The following CNKSR3 variants were observed in gnomAD, a reference collection of about 807,000 sequenced individuals.
CNKSR3 encodes the protein CNKSR family member 3.
A neutral mutation model predicts 67.7 loss-of-function variants in CNKSR3; 36 were observed. The observed-to-expected ratio is 0.53, with a 90% CI of 0.41 to 0.70. The LOEUF is 0.70. Ranked by LOEUF, CNKSR3 falls within the 30% of genes least tolerant of loss-of-function variation. CNKSR3 has a pLI of 0.00. For synonymous variants in CNKSR3, 281 were observed against 271.4 expected (o/e 1.04, Z -0.35); for missense variants, 630 against 695.2 (o/e 0.91, Z 1.05).
rs189996542 is a variant in CNKSR3 at position 154,442,381 on chromosome 6, G to A, written c.217-91C>T. On this transcript the variant is annotated intron_variant, in intron 2 of 12. Transcript: ENST00000607772. ...CTCACGCCTGTAATCCTAGCACTTT[G>A]GGAGGCTGAAGTGGGCGGATCACGA... 28 of 1,099,158 alleles carry A rather than the reference G, an allele frequency of 2.5e-5. No homozygotes were observed. The African/African-American group carries it at 4.1e-4, about 16-fold the overall frequency. The allele number at this position is 1,099,158 out of a possible 1,614,324, so 68.1% of individuals were successfully genotyped here.
intron 4 of CNKSR3, chr6:154,434,182 G>A (rs564450387): frequency 1.3e-5 from 2 of 152,318 alleles, no homozygotes; most frequent in South Asian, 4.1e-4. Flanking sequence ...TGTATGAACT[G>A]GGTTAGCTGA....
rs1002545852 is a variant in CNKSR3 at position 154,425,479 on chromosome 6, C to T, written c.730-2496G>A. Among the ~76,000 whole-genome samples the T allele has an allele frequency of 2.6e-5, 4 of 152,140 alleles. No individual in the cohort carries two copies. The East Asian group carries it at 5.8e-4, about 22-fold the overall frequency. On this transcript the variant is annotated intron_variant, in intron 7 of 12. Transcript: ENST00000607772. The stretch of plus-strand genomic sequence containing the variant: ...TTGCCTATCTTCACCATGAGGAGGA[C>T]TACTGAAAAATGATGCTTGTGTTGG...
chr6:154,395,062 G>A lies in CNKSR3; in HGVS notation c.*11292C>T, dbSNP rs879920607. 1.3e-5 allele frequency: 2 copies of A among 152,288 alleles called. No homozygotes were observed. Among genetic ancestry groups the A allele is most frequent in the Non-Finnish European group, 2.9e-5 (2 of 68,092 alleles). The allele number at this position is 152,288 out of a possible 1,614,324, so 9.4% of individuals were successfully genotyped here. A position where few individuals can be genotyped will look rare whatever the true frequency, so the allele number is the denominator to read the frequency against. On this transcript the variant is annotated 3_prime_UTR_variant, in exon 13 of 13. Transcript: ENST00000607772. ...GACCAAAATGCAGGGAGTACAGGTG[G>A]AAAAGGTCAAGTGGAACGGAGGTGC...
chr6:154,479,355 A>G (rs1447534287), intron 1 of CNKSR3, among the ~76,000 whole-genome samples: 1 of 152,190 alleles, frequency 6.6e-6, no homozygotes, highest in Non-Finnish European at 1.5e-5. Flanking sequence ...ATTCAGAATC[A>G]GGTTCTAACT....
chr6:154,433,313 C>T (rs1367708937), intron 5 of CNKSR3, among the ~76,000 whole-genome samples, 153 bp downstream of exon 5: 1 of 152,184 alleles, frequency 6.6e-6, no homozygotes, highest in Non-Finnish European at 1.5e-5. Flanking sequence ...AACTTTTATG[C>T]TTTCTCTTCC....
intron 6 of CNKSR3, 45 bp from the exon 7 acceptor site, chr6:154,428,232 G>A: frequency 1.6e-6 from 2 of 1,230,768 alleles, no homozygotes; most frequent in Non-Finnish European, 2.4e-6. Flanking sequence ...CCAACGTTTA[G>A]AGACATAGCC....
At chr6:154,411,817 G>A (rs894191597) in intron 10 of CNKSR3, among the ~76,000 whole-genome samples, 18 of 151,972 alleles carry the variant, frequency 1.2e-4, no homozygotes, top group Admixed American at 6.6e-5. Context: ...GCCAAGAGTC[G>A]GATCTCTGCC....
rs1390153584 is a variant in CNKSR3 at position 154,510,644 on chromosome 6, C to T, written c.-530G>A. 1 of 154,856 alleles carries T rather than the reference C, an allele frequency of 6.5e-6. No individual in the cohort carries two copies. The allele number at this position is 154,856 out of a possible 1,614,324, so 9.6% of individuals were successfully genotyped here. A position where few individuals can be genotyped will look rare whatever the true frequency, so the allele number is the denominator to read the frequency against. On this transcript the variant is annotated 5_prime_UTR_variant, in exon 1 of 13. Transcript: ENST00000607772. ...CAGGGCCGAGCGCAGAGCGTGCGCG[C>T]TCGGGTTGCAAAGTTTCAGCTCCGG...
chr6:154,411,067 C>G lies in CNKSR3; in HGVS notation c.1146G>C (p.Glu382Asp), dbSNP rs1164898897. Reference protein sequence around the residue: ...KQPLPGPKGSESPNSFLDQES... With the variant: ...KQPLPGPKGSDSPNSFLDQES... ...CCTGGTCCAAGAAGGAATTCGGGGA[C>G]TCTGAACCCTTAGGACCAGGCAATG... is the stretch of plus-strand genomic sequence containing the variant. The change falls in exon 11 of 13, where the codon GAG (glutamate) becomes GAC (aspartate). Residue 382 changes from glutamate to aspartate, a missense_variant. By Grantham distance (45) the Glu-to-Asp change is conservative. Around this residue, in one of 3 missense-constraint regions of CNKSR3, gnomAD observed 308 missense variants for 299.6 expected, o/e 1.03. Transcript: ENST00000607772. The G allele has an allele frequency of 3.7e-6, 6 of 1,614,102 alleles. No individual in the cohort carries two copies. The South Asian group carries it at 6.6e-5, about 18-fold the overall frequency.
chr6:154,506,203 GT>G (rs1450776061), intron 1 of CNKSR3, among the ~76,000 whole-genome samples: 1 of 150,736 alleles, frequency 6.6e-6, no homozygotes, highest in Non-Finnish European at 1.5e-5. Context: ...CAAACTCCAA[GT>G]TTTTTTCAGG....
At chr6:154,497,027 G>T (rs1175669071) in intron 1 of CNKSR3, among the ~76,000 whole-genome samples, 2 of 152,132 alleles carry the variant, frequency 1.3e-5, no homozygotes, top group South Asian at 2.1e-4. Context: ...AATAAGCATT[G>T]TGAAGGCGAA....
At chr6:154,460,570 C>T (rs1025404179) in intron 1 of CNKSR3, among the ~76,000 whole-genome samples, 1 of 152,110 alleles carries the variant, frequency 6.6e-6, no homozygotes, top group African/African-American at 2.4e-5. Flanking sequence ...ACCATTGTAT[C>T]CAATTTTGTA....
rs1376029975 is a variant in CNKSR3 at position 154,405,632 on chromosome 6, A to G, written c.*722T>C. ...GATACTTTGGCTGTCAGCGAATCTT[A>G]TAGCTTCTTTTCCCTTAAAGACAAT... On this transcript the variant is annotated 3_prime_UTR_variant, in exon 13 of 13. Coordinates refer to ENST00000607772, the MANE Select transcript of CNKSR3 (RefSeq NM_173515.4). 6.6e-6 allele frequency: 1 copy of G among 152,228 alleles called. No homozygotes were observed. Among genetic ancestry groups the G allele is most frequent in the Non-Finnish European group, 1.5e-5 (1 of 68,038 alleles). 9.4% of individuals were successfully genotyped at this position (152,228 alleles called of 1,614,324 possible). A position where few individuals can be genotyped will look rare whatever the true frequency, so the allele number is the denominator to read the frequency against.
At chr6:154,422,858 T>G in intron 8 of CNKSR3, 57 bp downstream of exon 8, 1 of 1,404,170 alleles carries the variant, frequency 7.1e-7, no homozygotes, top group Non-Finnish European at 9.9e-7. Context: ...ACAAAATGGT[T>G]TTAGATTTAA....
At chr6:154,499,582 A>G (rs749578234) in intron 1 of CNKSR3, among the ~76,000 whole-genome samples, 5 of 151,922 alleles carry the variant, frequency 3.3e-5, no homozygotes, top group Admixed American at 1.3e-4. Flanking sequence ...TGGTTTAAAC[A>G]CTCATTAAGT....
chr6:154,388,870 AG>A lies in CNKSR3; in HGVS notation c.*17483del, dbSNP rs1165100205. The A allele has an allele frequency of 6.6e-6, 1 of 151,804 alleles. No individual in the cohort carries two copies. The highest frequency in any genetic ancestry group is 1.5e-5 in the Non-Finnish European group (1 of 67,992). The allele number at this position is 151,804 out of a possible 1,614,324, so 9.4% of individuals were successfully genotyped here. A position where few individuals can be genotyped will look rare whatever the true frequency, so the allele number is the denominator to read the frequency against. ...CCTATACTCTCGCAATGTGTCAACTAGCTTCTTTCATTGCTGTTCAAGATGC... is the reference window on the plus strand; with the variant it reads ...CCTATACTCTCGCAATGTGTCAACTACTTCTTTCATTGCTGTTCAAGATGC... On this transcript the variant is annotated 3_prime_UTR_variant, in exon 13 of 13. Coordinates refer to ENST00000607772, the MANE Select transcript of CNKSR3 (RefSeq NM_173515.4).
At chr6:154,423,120 T>TGATACGTCGA in intron 7 of CNKSR3, 137 bp from the exon 8 acceptor site, 1 of 587,660 alleles carries the variant, frequency 1.7e-6, no homozygotes, top group South Asian at 2.6e-5. Context: ...TGCACTTTAT[T>TGATACGTCGA]CCCCTGAGAC....
Position 154,465,073 on chromosome 6 carries a change from G to A in CNKSR3, c.53-14815C>T, listed in dbSNP as rs573060833. ...GGAAAATTGCTTGAACCTGGGAGGC[G>A]GAGGTTGCAGTGAGCTGCGATCGTG... On this transcript the variant is annotated intron_variant, in intron 1 of 12. Transcript: ENST00000607772. Among the ~76,000 whole-genome samples the A allele has an allele frequency of 1.7e-3, 257 of 151,054 alleles. 1 individual carries two copies. The highest frequency in any genetic ancestry group is 5.9e-3 in the African/African-American group (242 of 41,092).
intron 1 of CNKSR3, among the ~76,000 whole-genome samples, chr6:154,456,450 C>A (rs1182916011): frequency 1.3e-5 from 2 of 150,978 alleles, no homozygotes; most frequent in South Asian, 2.1e-4. Flanking sequence ...GTGATCCCAG[C>A]ACTTTGAGAG....
Sources: gnomAD v4.1 joint callset for allele counts (sites outside exome capture counted in the v4.1 genomes callset) on GRCh38, gnomAD v4.1.1 for gene constraint, gnomAD v4.1.1 regional missense constraint, MANE v1.5 for transcripts, NCBI Gene and HGNC (gene_info 2026-07-23, HGNC 2026-07-21) for gene names.